Variants in EYS observed in about 807,000 individuals in gnomAD.
The protein encoded by EYS is protein eyes shut homolog.
A neutral mutation model predicts 282.1 loss-of-function variants in EYS; 250 were observed. The ratio of observed to expected loss-of-function variants is 0.89; its 90% CI spans 0.80 to 0.98. The LOEUF (loss-of-function observed/expected upper bound fraction) is 0.98, where lower values mean the gene tolerates loss of function less well. Among genes scored for constraint, EYS ranks in the 50% least tolerant of loss-of-function variants. EYS has a pLI of 0.00. For missense variants in EYS, 4,016 were observed against 3,709.0 expected, an observed-to-expected ratio of 1.08 and a Z score of -2.15; for synonymous variants, 1,355 against 1,282.9, an observed-to-expected ratio of 1.06 and a Z score of -1.20.
intron 30 of EYS, among the ~76,000 whole-genome samples, chr6:64,298,817 T>C (rs1383372792): frequency 6.6e-6 from 1 of 151,968 alleles, no homozygotes; most frequent in East Asian, 1.9e-4. Context: ...ATTAAATAGA[T>C]TAAAACTGAA....
chr6:65,481,756 G>A (rs1312015219), intron 5 of EYS, among the ~76,000 whole-genome samples: 1 of 151,950 alleles, frequency 6.6e-6, no homozygotes, highest in Non-Finnish European at 1.5e-5. Flanking sequence ...TTTTTTAGGA[G>A]AGATGGGATT....
At chr6:65,335,674 G>A (rs1769961843) in intron 10 of EYS, among the ~76,000 whole-genome samples, 1 of 151,622 alleles carries the variant, frequency 6.6e-6, no homozygotes, top group African/African-American at 2.4e-5. Flanking sequence ...GTGCTTGCCT[G>A]TCCCCCATAA....
intron 12 of EYS, among the ~76,000 whole-genome samples, chr6:65,287,648 CA>C (rs2150280410): frequency 6.6e-6 from 1 of 151,286 alleles, no homozygotes; most frequent in South Asian, 2.1e-4. Flanking sequence ...AAAAACGAAA[CA>C]AAACGTGTTG....
intron 40 of EYS, among the ~76,000 whole-genome samples, chr6:63,769,861 G>A (rs1769887666): frequency 6.6e-6 from 1 of 151,934 alleles, no homozygotes; most frequent in Non-Finnish European, 1.5e-5. Flanking sequence ...TAAGAGTTTA[G>A]TATGAACATG....
chr6:64,042,019 TGTAA>T lies in EYS; in HGVS notation c.6725+24315_6725+24318del, dbSNP rs143896124. On this transcript the variant is annotated intron_variant, in intron 33 of 42. Coordinates refer to ENST00000503581, the MANE Select transcript of EYS (RefSeq NM_001142800.2). ...TCTTTTTTAGTTTCTAAAATACCAGTGTAAGTGAGAAAAGGTAAAAAGCTGTTAG... is the reference window on the plus strand; with the variant it reads ...TCTTTTTTAGTTTCTAAAATACCAGTGTGAGAAAAGGTAAAAAGCTGTTAG... Among the ~76,000 whole-genome samples the T allele has an allele frequency of 8.0e-3, 1,221 of 152,322 alleles. 12 individuals are homozygous for T. Among genetic ancestry groups the T allele is most frequent in the African/African-American group, 0.027 (1,126 of 41,564 alleles).
At chr6:64,092,633 A>G (rs1397780086) in intron 31 of EYS, among the ~76,000 whole-genome samples, 1 of 151,960 alleles carries the variant, frequency 6.6e-6, no homozygotes, top group African/African-American at 2.4e-5. Context: ...GTTTGAGTAC[A>G]TTGTAGATTC....
At chr6:64,828,064 A>G (rs1765109475) in intron 19 of EYS, among the ~76,000 whole-genome samples, 1 of 151,950 alleles carries the variant, frequency 6.6e-6, no homozygotes, top group South Asian at 2.1e-4. Flanking sequence ...ATCAAAAGAG[A>G]TGGAAACTAT....
chr6:65,449,880 C>G (rs1764342630), intron 5 of EYS, among the ~76,000 whole-genome samples: 1 of 151,978 alleles, frequency 6.6e-6, no homozygotes. Context: ...TACAACCTCT[C>G]TAGGACCTCT....
intron 12 of EYS, among the ~76,000 whole-genome samples, chr6:65,250,658 A>G (rs574629573): frequency 9.9e-5 from 15 of 152,144 alleles, no homozygotes; most frequent in African/African-American, 3.6e-4. Flanking sequence ...TCTCAAGGAG[A>G]TAAAATGACA....
At chr6:65,499,764 G>C (rs1488052924) in intron 2 of EYS, among the ~76,000 whole-genome samples, 1 of 151,694 alleles carries the variant, frequency 6.6e-6, no homozygotes, top group African/African-American at 2.4e-5. Flanking sequence ...ACTAGAAAAG[G>C]GAAAAAAATG....
At chr6:64,716,440 T>A (rs1771396511) in intron 22 of EYS, among the ~76,000 whole-genome samples, 1 of 152,308 alleles carries the variant, frequency 6.6e-6, no homozygotes, top group South Asian at 2.1e-4. Flanking sequence ...GTTATCAACA[T>A]TGGTACACTC....
At chr6:65,048,479 T>C (rs1037364304) in intron 13 of EYS, among the ~76,000 whole-genome samples, 2 of 151,882 alleles carry the variant, frequency 1.3e-5, no homozygotes, top group African/African-American at 4.8e-5. Context: ...CATTGTGTGT[T>C]CCTTTCCCGA....
chr6:65,299,412 CCA>C (rs1491176053), intron 11 of EYS, among the ~76,000 whole-genome samples: 1 of 152,114 alleles, frequency 6.6e-6, no homozygotes, highest in East Asian at 1.9e-4. Flanking sequence ...CTGACCCCCC[CCA>C]AAAAACAACT....
At chr6:64,886,633 A>G (rs1219949741) in intron 19 of EYS, 64 bp downstream of exon 19, 2 of 1,339,344 alleles carry the variant, frequency 1.5e-6, no homozygotes, top group Admixed American at 2.8e-5. Context: ...GAGTATAAAT[A>G]TGAGGTTTCT....
At chr6:65,530,842 T>C (rs558139088) in intron 2 of EYS, among the ~76,000 whole-genome samples, 22 of 152,298 alleles carry the variant, frequency 1.4e-4, no homozygotes, top group African/African-American at 5.1e-4. Context: ...ATACTTTTTG[T>C]TCCTTGTGCT....
intron 33 of EYS, among the ~76,000 whole-genome samples, chr6:64,064,930 C>T (rs1029854369): frequency 3.3e-5 from 5 of 152,132 alleles, no homozygotes; most frequent in African/African-American, 1.2e-4. Context: ...GTCTGTTGCT[C>T]TGAAGGAGTT....
intron 1 of EYS, among the ~76,000 whole-genome samples, chr6:65,641,057 T>C (rs1050531072): frequency 2.0e-5 from 3 of 152,232 alleles, no homozygotes; most frequent in Admixed American, 2.0e-4. Context: ...TTGTGGTGTT[T>C]TTTACAGTGT....
intron 33 of EYS, among the ~76,000 whole-genome samples, chr6:64,055,071 C>A (rs78464305): frequency 0.029 from 4,472 of 152,256 alleles, 98 homozygotes; most frequent in Non-Finnish European, 0.043. Flanking sequence ...CATGACCCTC[C>A]TGGAGCTTGG....
intron 22 of EYS, among the ~76,000 whole-genome samples, chr6:64,701,622 C>T (rs1403213051): frequency 6.6e-6 from 1 of 151,992 alleles, no homozygotes; most frequent in African/African-American, 2.4e-5. Flanking sequence ...TGCAGGTTCT[C>T]ACTTAAATTG....
Sources: allele counts gnomAD v4.1 joint callset (sites outside exome capture counted in the v4.1 genomes callset), GRCh38; gene constraint gnomAD v4.1.1; transcripts MANE v1.5; gene names NCBI Gene and HGNC (gene_info 2026-07-23, HGNC 2026-07-21).